USP36: variants seen among roughly 807,000 people sequenced by gnomAD.
The protein encoded by USP36 is ubiquitin carboxyl-terminal hydrolase 36.
Under a neutral mutation model 111.5 loss-of-function variants are expected in USP36, and 59 were observed. That is an observed-to-expected ratio of 0.53 (90% CI 0.43 to 0.66). The LOEUF is 0.66. Ranked by LOEUF, USP36 falls within the 30% of genes least tolerant of loss-of-function variation. USP36 has a pLI of 0.00. For synonymous variants in USP36, 628 were observed against 581.0 expected (o/e 1.08, Z -1.16); for missense variants, 1,488 against 1,468.0 (o/e 1.01, Z -0.22).
chr17:78,814,356 T>C (rs964135458), intron 11 of USP36, 56 bp downstream of exon 11: 1 of 1,604,318 alleles, frequency 6.2e-7, no homozygotes, highest in African/African-American at 1.3e-5. Context: ...CATCTGGATG[T>C]GCATGGGTGC....
intron 4 of USP36, among the ~76,000 whole-genome samples, chr17:78,831,272 A>G (rs2068081598): frequency 6.6e-6 from 1 of 150,908 alleles, no homozygotes; most frequent in Admixed American, 6.6e-5. Flanking sequence ...ATAAATATTG[A>G]AGAGCTCTTT....
rs1364874872 is a variant in USP36 at position 78,796,318 on chromosome 17, C to T, written c.*1582G>A. ...ACCCCGAGAAGAAAAGGAACATACC[C>T]TGCCCGTGAAGGCATGTGCTTTCCC... On this transcript the variant is annotated 3_prime_UTR_variant, in exon 21 of 21. Transcript: ENST00000449938. 1 of 152,182 alleles carries T rather than the reference C, an allele frequency of 6.6e-6. No individual in the cohort carries two copies. The highest frequency in any genetic ancestry group is 1.5e-5 in the Non-Finnish European group (1 of 68,086). 9.4% of individuals were successfully genotyped at this position (152,182 alleles called of 1,614,324 possible). A position where few individuals can be genotyped will look rare whatever the true frequency, so the allele number is the denominator to read the frequency against.
intron 4 of USP36, among the ~76,000 whole-genome samples, chr17:78,833,782 A>G (rs939272471): frequency 1.1e-4 from 17 of 152,130 alleles, no homozygotes; most frequent in Non-Finnish European, 5.9e-5. Context: ...TTTTCCTACA[A>G]TTTTTATATC....
intron 17 of USP36, among the ~76,000 whole-genome samples, chr17:78,800,147 A>AC (rs2093704464): frequency 1.3e-5 from 2 of 151,196 alleles, no homozygotes; most frequent in African/African-American, 4.8e-5. Context: ...AAAAAAAAAA[A>AC]CCCTCCAAAA....
At position 78,787,435 on chromosome 17, in the gene USP36, A is replaced by C. The variant is rs537473506; in HGVS notation, c.*244T>G. On this transcript the variant is annotated 3_prime_UTR_variant, in exon 4 of 4. Transcript: ENST00000588130. ...ACCAACAGAAGACAATTTCCAAGCT[A>C]TAAGTGAAAAAAGCAGTCAGAACGG... The C allele has an allele frequency of 1.2e-4, 18 of 152,372 alleles. No homozygotes were observed. In the East Asian group the frequency reaches 2.7e-3, roughly 23 times the overall value. 9.4% of individuals were successfully genotyped at this position (152,372 alleles called of 1,614,324 possible). A position where few individuals can be genotyped will look rare whatever the true frequency, so the allele number is the denominator to read the frequency against.
intron 6 of USP36, among the ~76,000 whole-genome samples, chr17:78,825,412 A>G (rs551554077): frequency 6.6e-6 from 1 of 152,148 alleles, no homozygotes; most frequent in Admixed American, 6.5e-5. Flanking sequence ...TGTCATTCTT[A>G]TTTTTTCTCA....
chr17:78,801,350 T>G (rs1449840389), intron 17 of USP36, among the ~76,000 whole-genome samples: 4 of 152,214 alleles, frequency 2.6e-5, no homozygotes, highest in Non-Finnish European at 5.9e-5. Flanking sequence ...TTGCTATTTA[T>G]TTCATACCAT....
In USP36 at chr17:78,813,987, T is replaced by C. The variant is rs543952470; in HGVS notation, c.1165-114A>G. The C allele has an allele frequency of 1.0e-4, 87 of 867,504 alleles. No homozygotes were observed. The East Asian group carries it at 2.1e-3, about 21-fold the overall frequency. The allele number at this position is 867,504 out of a possible 1,614,324, so 53.7% of individuals were successfully genotyped here. ...TAGTTGCTACATTTCCAAACACTAT[T>C]AATAATCAACAGGTAACAACTTCTA... On this transcript the variant is annotated intron_variant, in intron 11 of 20. Coordinates refer to ENST00000449938, the MANE Select transcript of USP36 (RefSeq NM_001385174.1).
At chr17:78,820,164 C>T in intron 8 of USP36, 152 bp from the exon 9 acceptor site, 2 of 687,822 alleles carry the variant, frequency 2.9e-6, no homozygotes, top group South Asian at 3.6e-5. Context: ...CAGATTGGGA[C>T]TCCTTCTCCA....
Position 78,798,608 on chromosome 17 carries a change from G to T in USP36, c.3241-57C>A. 2 of 1,602,286 alleles carry T rather than the reference G, an allele frequency of 1.2e-6. No homozygotes were observed. The highest frequency in any genetic ancestry group is 8.5e-7 in the Non-Finnish European group (1 of 1,179,096). ...CAAAAACGGCTCTTTCCTGGCCCAC[G>T]GGGCTCCATGCTGCATGCAGGTCCT... On this transcript the variant is annotated intron_variant, in intron 19 of 20. Transcript: ENST00000449938. The surrounding 1 kb of genome is among the most constrained non-coding windows in gnomAD (Gnocchi z 5.1).
intron 13 of USP36, among the ~76,000 whole-genome samples, chr17:78,809,660 C>T (rs981833889): frequency 3.3e-5 from 5 of 152,114 alleles, no homozygotes; most frequent in African/African-American, 1.2e-4. Context: ...GAGACAGGGT[C>T]TCATTCTGTT....
chr17:78,818,200 G>C (rs1331158399), intron 10 of USP36, among the ~76,000 whole-genome samples: 2 of 152,098 alleles, frequency 1.3e-5, no homozygotes, highest in African/African-American at 4.8e-5. Flanking sequence ...ACATCAAAAG[G>C]ACATGGACAA....
intron 4 of USP36, among the ~76,000 whole-genome samples, chr17:78,829,776 T>A (rs1027513641): frequency 3.3e-5 from 5 of 152,200 alleles, no homozygotes; most frequent in African/African-American, 1.2e-4. Context: ...AGAGTCTCAC[T>A]GTCACCCAGG....
intron 1 of USP36, among the ~76,000 whole-genome samples, chr17:78,839,954 G>A (rs987504590): frequency 3.0e-4 from 45 of 152,306 alleles, no homozygotes; most frequent in East Asian, 2.7e-3. Flanking sequence ...TCCTTCTAAA[G>A]TCACTTTTCC....
chr17:78,834,446 G>GTT (rs1416092904), intron 4 of USP36, among the ~76,000 whole-genome samples: 1 of 151,882 alleles, frequency 6.6e-6, no homozygotes, highest in Non-Finnish European at 1.5e-5. Context: ...GTTTCGATTT[G>GTT]TTTTTTGTGT....
chr17:78,835,392 G>A lies in USP36; in HGVS notation c.363C>T (p.Gly121=), dbSNP rs777440425. The A allele has an allele frequency of 6.8e-6, 11 of 1,614,238 alleles. No individual in the cohort carries two copies. The highest frequency in any genetic ancestry group is 1.1e-5 in the South Asian group (1 of 91,088). The part of the protein sequence containing the change: ...SLRWERVFRV[G]AGLHNLGNTC... ...TGTTGCCAAGGTTGTGGAGTCCTGC[G>A]CCCACGCGGAAGACCCGCTCCCACC... is the stretch of plus-strand genomic sequence containing the variant. Residue 121 remains glycine, a synonymous_variant, in exon 4 of 21, where the codon GGC becomes GGT. Coordinates refer to ENST00000449938, the MANE Select transcript of USP36 (RefSeq NM_001385174.1).
intron 9 of USP36, chr17:78,818,986 G>A: frequency 2.0e-6 from 1 of 502,386 alleles, no homozygotes; most frequent in East Asian, 3.6e-5. Flanking sequence ...ACTACAGAAA[G>A]TGGGAAGATT....
rs1439963164 is a variant in USP36 at position 78,835,930 on chromosome 17, T to C, written c.253+181A>G. On this transcript the variant is annotated intron_variant, in intron 3 of 20. Transcript: ENST00000449938. ...TACACAGATCCACCAAGCACACAGATTTCCTTGCTACCAACCCTGTATCAT... is the reference window on the plus strand; with the variant it reads ...TACACAGATCCACCAAGCACACAGACTTCCTTGCTACCAACCCTGTATCAT... The C allele has an allele frequency of 3.4e-6, 3 of 891,530 alleles. No homozygotes were observed. The African/African-American group carries it at 5.1e-5, about 15-fold the overall frequency. The allele number at this position is 891,530 out of a possible 1,614,324, so 55.2% of individuals were successfully genotyped here. A position where few individuals can be genotyped will look rare whatever the true frequency, so the allele number is the denominator to read the frequency against.
intron 3 of USP36, among the ~76,000 whole-genome samples, chr17:78,788,180 T>C (rs113629302): frequency 2.8e-4 from 43 of 152,160 alleles, no homozygotes; most frequent in Non-Finnish European, 5.4e-4. Context: ...TTATTTTTTT[T>C]TTTGAGACAG....
Sources: allele counts gnomAD v4.1 joint callset (sites outside exome capture counted in the v4.1 genomes callset), GRCh38; gene constraint gnomAD v4.1.1; non-coding constraint Gnocchi (gnomAD v3.1); transcripts MANE v1.5; gene names NCBI Gene and HGNC (gene_info 2026-07-23, HGNC 2026-07-21).